The following DNAH10 variants were observed in gnomAD, a reference collection of about 807,000 sequenced individuals.
DNAH10 encodes dynein axonemal heavy chain 10, also known as axonemal beta dynein heavy chain 10.
Under a neutral mutation model 506.6 loss-of-function variants are expected in DNAH10, and 348 were observed. The ratio of observed to expected loss-of-function variants is 0.69; its 90% CI spans 0.63 to 0.75. The LOEUF (loss-of-function observed/expected upper bound fraction) is 0.75, where lower values mean the gene tolerates loss of function less well. DNAH10 is among the 30% of genes least tolerant of loss of function. DNAH10 has a pLI of 0.00. For synonymous variants in DNAH10, 2,059 were observed against 2,198.6 expected (o/e 0.94, Z 1.78); for missense variants, 5,179 against 5,787.1 (o/e 0.89, Z 3.41).
chr12:123,906,913 A>C (rs1362828985), intron 57 of DNAH10, among the ~76,000 whole-genome samples: 1 of 152,244 alleles, frequency 6.6e-6, no homozygotes, highest in Non-Finnish European at 1.5e-5. Flanking sequence ...TGAAGATTAG[A>C]AGTAGATGTT....
chr12:123,777,247 G>A (rs917784393), intron 5 of DNAH10, among the ~76,000 whole-genome samples: 1 of 152,230 alleles, frequency 6.6e-6, no homozygotes, highest in African/African-American at 2.4e-5. Flanking sequence ...GGGACTGGGT[G>A]GAACAACCAA....
intron 11 of DNAH10, among the ~76,000 whole-genome samples, chr12:123,792,278 A>G (rs774039261): frequency 1.3e-5 from 2 of 152,050 alleles, no homozygotes; most frequent in Non-Finnish European, 2.9e-5. Flanking sequence ...TTGCCTGGTT[A>G]TTTATGTACC....
At chr12:123,877,516 G>A (rs1952307652) in intron 47 of DNAH10, among the ~76,000 whole-genome samples, 1 of 152,038 alleles carries the variant, frequency 6.6e-6, no homozygotes, top group Admixed American at 6.6e-5. Context: ...GGGTTTCACC[G>A]TGTTGGTCAG....
chr12:123,935,618 T>A lies in DNAH10; in HGVS notation c.*137T>A. The A allele has an allele frequency of 1.1e-6, 1 of 930,304 alleles. No individual in the cohort carries two copies. Among genetic ancestry groups the A allele is most frequent in the Non-Finnish European group, 1.5e-6 (1 of 645,838 alleles). The allele number at this position is 930,304 out of a possible 1,614,324, so 57.6% of individuals were successfully genotyped here. A position where few individuals can be genotyped will look rare whatever the true frequency, so the allele number is the denominator to read the frequency against. ...GATTTTTCATTTGAAATCAGCCACT[T>A]AAATCTCTTTCCATACAAATTAACC... On this transcript the variant is annotated 3_prime_UTR_variant, in exon 79 of 79. Transcript: ENST00000673944.
rs193189373 is a variant in DNAH10 at position 123,857,942 on chromosome 12, G to T, written c.6630+695G>T. Among the ~76,000 whole-genome samples, 192 of 152,276 alleles carry T rather than the reference G, an allele frequency of 1.3e-3. 1 individual carries two copies. Among genetic ancestry groups the T allele is most frequent in the Admixed American group, 0.012 (191 of 15,292 alleles). Reference sequence around the variant, plus strand: ...AATTTGACTACTCTAGGTACCTCCTGTAAGTAGAATCATGTAATTTTTGTC... The same window carrying T: ...AATTTGACTACTCTAGGTACCTCCTTTAAGTAGAATCATGTAATTTTTGTC... On this transcript the variant is annotated intron_variant, in intron 37 of 78. Transcript: ENST00000673944.
chr12:123,909,480 C>T lies in DNAH10; in HGVS notation c.9997+38C>T, dbSNP rs1953968184. 1 of 1,506,530 alleles carries T rather than the reference C, an allele frequency of 6.6e-7. No homozygotes were observed. Among genetic ancestry groups the T allele is most frequent in the Admixed American group, 2.1e-5 (1 of 47,858 alleles). The allele number at this position is 1,506,530 out of a possible 1,614,324, so 93.3% of individuals were successfully genotyped here. On this transcript the variant is annotated intron_variant, in intron 58 of 78. Coordinates refer to ENST00000673944, the MANE Select transcript of DNAH10 (RefSeq NM_001372106.1). This position sits in a 1 kb window ranked among gnomAD's most constrained non-coding sequence, Gnocchi z 5.4. ...ACGTGTGGGAATCGCCAGGGTGGAT[C>T]TCGGTCTGGCATCTCAGGCTCTGGG...
chr12:123,824,944 G>A (rs898919655), intron 24 of DNAH10, among the ~76,000 whole-genome samples: 1 of 152,092 alleles, frequency 6.6e-6, no homozygotes, highest in Non-Finnish European at 1.5e-5. Flanking sequence ...TATTCAGCCC[G>A]GTACACTTGG....
At position 123,846,099 on chromosome 12, in the gene DNAH10, A is replaced by G; in HGVS notation, c.5759A>G (p.Asn1920Ser). ...FGYGYEYMGL[N>S]GRLVITPLTD... is the part of the protein sequence containing the mutation. The stretch of plus-strand genomic sequence containing the variant: ...TACGGCTACGAGTACATGGGCCTGA[A>G]CGGCAGGCTGGTCATCACGCCCCTC... Residue 1920 changes from asparagine (N) to serine (S), a missense_variant, in exon 32 of 79, where the codon AAC becomes AGC. By Grantham distance (46) the Asn-to-Ser change is conservative. Coordinates refer to ENST00000673944, the MANE Select transcript of DNAH10 (RefSeq NM_001372106.1). This position sits in a 1 kb window ranked among gnomAD's most constrained non-coding sequence, Gnocchi z 4.5. The G allele has an allele frequency of 4.3e-6, 7 of 1,613,984 alleles. No individual in the cohort carries two copies. Among genetic ancestry groups the G allele is most frequent in the Non-Finnish European group, 5.9e-6 (7 of 1,179,900 alleles).
In DNAH10 at chr12:123,902,276, G is replaced by A. The variant is rs1277263874; in HGVS notation, c.9641-663G>A. On this transcript the variant is annotated intron_variant, in intron 56 of 78. Transcript: ENST00000673944. This position sits in a 1 kb window ranked among gnomAD's most constrained non-coding sequence, Gnocchi z 4.5. Reference sequence around the variant, plus strand: ...TCTACAAAGACCCACTTCCAAATAAGGTCACATCCTGAGGTCCCAGTGGGC... The same window carrying A: ...TCTACAAAGACCCACTTCCAAATAAAGTCACATCCTGAGGTCCCAGTGGGC... 6.6e-6 allele frequency among the ~76,000 whole-genome samples: 1 copy of A among 151,978 alleles called. No homozygotes were observed. The highest frequency in any genetic ancestry group is 6.6e-5 in the Admixed American group (1 of 15,256).
rs745923748 is a variant in DNAH10, at chr12:123,917,740, C to T, written c.11159C>T (p.Thr3720Met). 173 of 1,572,202 alleles carry T rather than the reference C, an allele frequency of 1.1e-4. No individual in the cohort carries two copies. Among genetic ancestry groups the T allele is most frequent in the Non-Finnish European group, 1.4e-4 (166 of 1,159,184 alleles). Residue 3720 changes from threonine to methionine, a missense_variant, in exon 64 of 79, where the codon ACG (threonine) becomes ATG (methionine). Around this residue, in one of 3 missense-constraint regions of DNAH10, gnomAD observed 4,844 missense variants for 5,430.5 expected, o/e 0.89. Transcript: ENST00000673944. The surrounding 1 kb of genome is among the most constrained non-coding windows in gnomAD (Gnocchi z 5.6). ...GATTCCCTCCTTCGGGAGCTGGCCA[C>T]GTCCACGGGGAACATGCTGGACAAT... The part of the protein sequence containing the change: ...LEDSLLRELA[T>M]STGNMLDNVD...
rs1402371165 is a variant in DNAH10, at chr12:123,787,846, G to T, written c.1464G>T (p.Arg488Ser). 1.9e-6 allele frequency: 3 copies of T among 1,613,980 alleles called. No homozygotes were observed. The highest frequency in any genetic ancestry group is 2.2e-5 in the South Asian group (2 of 91,042). ...ASAQSKTLEA[R>S]NTLRLWKKAY... ...CCCAAAGCAAAACCTTGGAAGCCAGGAACACCCTCAGGCTGTGGAAAAAGG... is the reference window on the plus strand; with the variant it reads ...CCCAAAGCAAAACCTTGGAAGCCAGTAACACCCTCAGGCTGTGGAAAAAGG... The change falls in exon 10 of 79, where the codon AGG becomes AGT. Residue 488 changes from arginine (R) to serine (S), a missense_variant. Coordinates refer to ENST00000673944, the MANE Select transcript of DNAH10 (RefSeq NM_001372106.1). This position sits in a 1 kb window ranked among gnomAD's most constrained non-coding sequence, Gnocchi z 4.6.
At chr12:123,809,511 G>T (rs549140757) in intron 19 of DNAH10, among the ~76,000 whole-genome samples, 1 of 152,050 alleles carries the variant, frequency 6.6e-6, no homozygotes. Flanking sequence ...TTAGCTAGGC[G>T]TGGTGGTGCA....
intron 5 of DNAH10, among the ~76,000 whole-genome samples, chr12:123,775,049 C>T (rs1957389402): frequency 6.6e-6 from 1 of 152,202 alleles, no homozygotes; most frequent in Non-Finnish European, 1.5e-5. Context: ...TAGGCATGTG[C>T]ACTGTGTGTG....
chr12:123,848,695 A>C (rs1456031518), intron 33 of DNAH10, 35 bp from the exon 34 acceptor site: 29 of 1,610,852 alleles, frequency 1.8e-5, no homozygotes, highest in Non-Finnish European at 2.5e-5. Context: ...TTAAAGATGA[A>C]AATTGCCCTT....
chr12:123,846,775 T>G lies in DNAH10; in HGVS notation c.5814+621T>G, dbSNP rs7970106. On this transcript the variant is annotated intron_variant, in intron 32 of 78. Transcript: ENST00000673944. The surrounding 1 kb of genome is among the most constrained non-coding windows in gnomAD (Gnocchi z 4.5). ...TCCTGAGTAGCTAGGACTATAGCATTCACTGCTGCACCTGGCTACATTGGT... is the reference window on the plus strand; with the variant it reads ...TCCTGAGTAGCTAGGACTATAGCATGCACTGCTGCACCTGGCTACATTGGT... Among the ~76,000 whole-genome samples, 7,895 of 152,140 alleles carry G rather than the reference T, an allele frequency of 0.052. 679 individuals are homozygous for G. The highest frequency in any genetic ancestry group is 0.18 in the African/African-American group (7,477 of 41,442).
intron 5 of DNAH10, among the ~76,000 whole-genome samples, chr12:123,776,027 A>T (rs969886250): frequency 9.9e-5 from 15 of 152,182 alleles, no homozygotes; most frequent in African/African-American, 3.4e-4. Context: ...ATCAGATCTC[A>T]TGAGAACTCA....
rs763107762 is a variant in DNAH10, at chr12:123,913,323, C to G, written c.10352+8C>G. The G allele has an allele frequency of 6.3e-7, 1 of 1,576,632 alleles. No homozygotes were observed. The highest frequency in any genetic ancestry group is 1.8e-5 in the Admixed American group (1 of 54,864). ...GGGGTCAGAAAACATCAGGTTAGCG[C>G]TGCTCACGAGCCCACCTGTTGCGGT... On this transcript the variant is annotated splice_region_variant and intron_variant, in intron 60 of 78. Coordinates refer to ENST00000673944, the MANE Select transcript of DNAH10 (RefSeq NM_001372106.1). This position sits in a 1 kb window ranked among gnomAD's most constrained non-coding sequence, Gnocchi z 5.1.
At chr12:123,870,759 G>A (rs992132350) in intron 44 of DNAH10, among the ~76,000 whole-genome samples, 3 of 152,150 alleles carry the variant, frequency 2.0e-5, no homozygotes, top group Admixed American at 6.5e-5. Context: ...ATGAGATGCC[G>A]TTTCGCCTCC....
chr12:123,788,924 CAAA>C (rs1200548876), intron 10 of DNAH10, among the ~76,000 whole-genome samples: 13 of 66,576 alleles, frequency 2.0e-4, no homozygotes, highest in Admixed American at 3.5e-4. Context: ...GACCTTGCTT[CAAA>C]AAAAAAAAAA....
Sources: gnomAD v4.1 joint callset for allele counts (sites outside exome capture counted in the v4.1 genomes callset) on GRCh38, gnomAD v4.1.1 for gene constraint, gnomAD v4.1.1 regional missense constraint, Gnocchi (gnomAD v3.1) non-coding constraint, MANE v1.5 for transcripts, NCBI Gene and HGNC (gene_info 2026-07-23, HGNC 2026-07-21) for gene names.